Variants in ODF2L observed in about 807,000 individuals in gnomAD.
ODF2L encodes the protein protein BCAP.
A neutral mutation model predicts 86.3 loss-of-function variants in ODF2L; 76 were observed. That is an observed-to-expected ratio of 0.88 (90% CI 0.73 to 1.07). ODF2L has a LOEUF of 1.07. ODF2L is among the 50% of genes least tolerant of loss of function. The pLI is 0.00. For missense variants in ODF2L, 748 were observed against 717.4 expected (o/e 1.04, Z -0.49); for synonymous variants, 241 against 231.3 (o/e 1.04, Z -0.38).
At chr1:86,374,334 A>C (rs1008880296) in intron 8 of ODF2L, among the ~76,000 whole-genome samples, 2 of 152,148 alleles carry the variant, frequency 1.3e-5, no homozygotes, top group Non-Finnish European at 2.9e-5. Flanking sequence ...TCAGTAAGAA[A>C]AGAATTTATA....
intron 7 of ODF2L, among the ~76,000 whole-genome samples, chr1:86,378,928 G>C (rs937562310): frequency 2.0e-5 from 3 of 151,912 alleles, no homozygotes; most frequent in African/African-American, 7.3e-5. Flanking sequence ...GGGCCTGGTG[G>C]GAGGTGGTTG....
At chr1:86,390,351 C>T (rs779307643) in intron 1 of ODF2L, among the ~76,000 whole-genome samples, 2 of 151,970 alleles carry the variant, frequency 1.3e-5, no homozygotes, top group Admixed American at 6.6e-5. Flanking sequence ...ACCCAGGAGG[C>T]GGAGGTTGCA....
intron 13 of ODF2L, chr1:86,357,724 A>G: frequency 1.0e-6 from 1 of 974,398 alleles, no homozygotes; most frequent in Non-Finnish European, 1.2e-6. Flanking sequence ...GACTTAAAAC[A>G]GTGAAGTAAG....
At chr1:86,360,395 T>G (rs753836324) in intron 12 of ODF2L, 31 bp downstream of exon 11, 1 of 970,090 alleles carries the variant, frequency 1.0e-6, no homozygotes, top group African/African-American at 1.7e-5. Flanking sequence ...CTACCAATTT[T>G]AGTAAACACT....
chr1:86,391,977 G>A (rs1661362605), intron 1 of ODF2L, among the ~76,000 whole-genome samples: 3 of 151,850 alleles, frequency 2.0e-5, no homozygotes, highest in African/African-American at 7.3e-5. Flanking sequence ...ATCCAAAACC[G>A]ACAATGAACT....
chr1:86,382,965 A>G, exon 6 of ODF2L: 1 of 1,573,040 alleles, frequency 6.4e-7, no homozygotes, highest in Non-Finnish European at 8.7e-7. Flanking sequence ...AAGTTCTTGG[A>G]TATGGGCCTC....
At chr1:86,364,299 T>C (rs187785586) in intron 11 of ODF2L, among the ~76,000 whole-genome samples, 112 of 152,308 alleles carry the variant, frequency 7.4e-4, no homozygotes, top group African/African-American at 2.5e-3. Flanking sequence ...TAAGTATATG[T>C]CACACTTTCC....
rs753645964 is a variant in ODF2L, at chr1:86,372,413, T to G, written c.920+18A>C. ...AAAACTCTTACTAAATAATAAAATA[T>G]TCTAAATTTTTTCTTACTTTTTCAT... On this transcript the variant is annotated intron_variant, in intron 9 of 17. Coordinates refer to ENST00000317336, the Ensembl canonical transcript of ODF2L. 4.3e-6 allele frequency: 5 copies of G among 1,160,858 alleles called. No homozygotes were observed. In the South Asian group the frequency reaches 5.6e-5, roughly 13 times the overall value. The allele number at this position is 1,160,858 out of a possible 1,614,324, so 71.9% of individuals were successfully genotyped here.
chr1:86,352,996 A>T lies in ODF2L; in HGVS notation c.1768-12T>A. On this transcript the variant is annotated splice_polypyrimidine_tract_variant and intron_variant, in intron 16 of 17. Transcript: ENST00000317336. ...ATTTCTTCAGCAACCTGTAATTTTTATCAAAAGAGTAAAATAAAGTGCTTT... is the reference window on the plus strand; with the variant it reads ...ATTTCTTCAGCAACCTGTAATTTTTTTCAAAAGAGTAAAATAAAGTGCTTT... The T allele has an allele frequency of 6.8e-7, 1 of 1,473,600 alleles. No individual in the cohort carries two copies. Among genetic ancestry groups the T allele is most frequent in the Non-Finnish European group, 9.3e-7 (1 of 1,070,840 alleles). The allele number at this position is 1,473,600 out of a possible 1,614,324, so 91.3% of individuals were successfully genotyped here.
intron 16 of ODF2L, 39 bp from the exon 16 acceptor site, chr1:86,353,023 TTTAAAATATG>T: frequency 9.1e-6 from 12 of 1,317,730 alleles, no homozygotes; most frequent in Non-Finnish European, 1.2e-5. Flanking sequence ...AAGTGCTTTC[TTTAAAATATG>T]ATTTAAAGCC....
chr1:86,360,033 T>C (rs1384010574), intron 12 of ODF2L, among the ~76,000 whole-genome samples: 1 of 152,230 alleles, frequency 6.6e-6, no homozygotes, highest in Non-Finnish European at 1.5e-5. Context: ...TGAATTATAC[T>C]TTATTTCTTG....
exon 14 of ODF2L, chr1:86,356,567 T>A (rs749279704): frequency 6.2e-7 from 1 of 1,614,066 alleles, no homozygotes; most frequent in Non-Finnish European, 8.5e-7. Flanking sequence ...AGACACGCTC[T>A]AACTCCTTCA....
At chr1:86,376,258 T>A (rs1416871053) in exon 8 of ODF2L, 2 of 1,610,666 alleles carry the variant, frequency 1.2e-6, no homozygotes, top group Non-Finnish European at 1.7e-6. Flanking sequence ...GGAAGTAAGC[T>A]TTTCAATAGC....
intron 10 of ODF2L, among the ~76,000 whole-genome samples, chr1:86,369,824 T>C (rs1160495656): frequency 1.3e-5 from 2 of 152,118 alleles, no homozygotes; most frequent in Admixed American, 6.6e-5. Context: ...TAGACCTACA[T>C]AGAAAGAAGG....
intron 11 of ODF2L, among the ~76,000 whole-genome samples, chr1:86,366,427 CACACACATACACAT>C (rs1387802569): frequency 8.4e-5 from 12 of 142,908 alleles, no homozygotes; most frequent in African/African-American, 3.1e-4. Context: ...CACACACACA[CACACACATACACAT>C]ACACATACAC....
chr1:86,354,582 T>A, exon 16 of ODF2L: 1 of 1,610,154 alleles, frequency 6.2e-7, no homozygotes, highest in South Asian at 1.1e-5. Context: ...CAATGCTGTA[T>A]ACTCTGCAGA....
chr1:86,360,655 AT>A, intron 11 of ODF2L, 119 bp from the exon 11 acceptor site: 1 of 506,076 alleles, frequency 2.0e-6, no homozygotes, highest in Non-Finnish European at 3.5e-6. Context: ...ATTATTTTTT[AT>A]TTCATGCAAT....
At chr1:86,366,429 C>CACACAT (rs781523215) in intron 11 of ODF2L, among the ~76,000 whole-genome samples, 2 of 139,832 alleles carry the variant, frequency 1.4e-5, no homozygotes, top group African/African-American at 5.8e-5. Flanking sequence ...CACACACACA[C>CACACAT]ACACATACAC....
At chr1:86,371,196 T>G (rs1328616349) in intron 9 of ODF2L, 43 bp from the exon 10 acceptor site, 1 of 1,159,454 alleles carries the variant, frequency 8.6e-7, no homozygotes, top group Admixed American at 2.8e-5. Flanking sequence ...TCATAAAAAT[T>G]TTTATTCAAA....
Sources: allele counts gnomAD v4.1 joint callset (sites outside exome capture counted in the v4.1 genomes callset), GRCh38; gene constraint gnomAD v4.1.1; transcripts MANE v1.5; gene names NCBI Gene and HGNC (gene_info 2026-07-23, HGNC 2026-07-21).